Variants in C12orf50 observed in about 807,000 individuals in gnomAD.
The protein encoded by C12orf50 is zinc finger CCCH-type containing 11D.
A neutral mutation model predicts 61.6 loss-of-function variants in C12orf50; 35 were observed. That is an observed-to-expected ratio of 0.57 (90% confidence interval 0.43 to 0.75). C12orf50 has a LOEUF of 0.75. Ranked by LOEUF, C12orf50 falls within the 30% of genes least tolerant of loss-of-function variation. The pLI is 0.00. For synonymous variants in C12orf50, 178 were observed against 161.5 expected, an observed-to-expected ratio of 1.10 and a Z score of -0.77; for missense variants, 475 against 488.5, an observed-to-expected ratio of 0.97 and a Z score of 0.26.
At chr12:88,014,178 C>T (rs1052263980) in intron 3 of C12orf50, among the ~76,000 whole-genome samples, 1 of 152,060 alleles carries the variant, frequency 6.6e-6, no homozygotes, top group African/African-American at 2.4e-5. Flanking sequence ...GAATTAGCCC[C>T]TCAGAAGGCA....
chr12:88,025,741 AAAAC>A (rs545683990), intron 3 of C12orf50, among the ~76,000 whole-genome samples: 30 of 152,294 alleles, frequency 2.0e-4, no homozygotes, highest in African/African-American at 6.3e-4. Flanking sequence ...TCCGTCTCAA[AAAAC>A]AAACAAACAA....
In C12orf50 at chr12:87,980,049, C is replaced by CTTTTAAA; in HGVS notation, c.*275_*281dup. ...TTAAAGAATGATTTTAATTGTCAAACTTTTAAATTTTATTAAAATGTTTGG... is the reference window on the plus strand; with the variant it reads ...TTAAAGAATGATTTTAATTGTCAAACTTTTAAATTTTAAATTTTATTAAAATGTTTGG... On this transcript the variant is annotated 3_prime_UTR_variant, in exon 13 of 13. Transcript: ENST00000298699. 2.6e-6 allele frequency: 1 copy of CTTTTAAA among 383,744 alleles called. No individual in the cohort carries two copies. Among genetic ancestry groups the CTTTTAAA allele is most frequent in the East Asian group, 4.2e-5 (1 of 23,742 alleles). The allele number at this position is 383,744 out of a possible 1,614,324, so 23.8% of individuals were successfully genotyped here.
intron 8 of C12orf50, among the ~76,000 whole-genome samples, chr12:87,988,864 A>C (rs772979115): frequency 1.9e-4 from 29 of 152,154 alleles, no homozygotes; most frequent in Non-Finnish European, 3.7e-4. Context: ...ATATCTCTTG[A>C]TTATTCACAG....
intron 3 of C12orf50, 63 bp from the exon 4 acceptor site, chr12:87,998,253 A>T (rs2031503567): frequency 1.5e-6 from 2 of 1,317,486 alleles, no homozygotes; most frequent in Admixed American, 4.4e-5. Context: ...TAGATGTAAC[A>T]ATCAATCATT....
chr12:87,989,630 T>TCC (rs1259352442), intron 7 of C12orf50, among the ~76,000 whole-genome samples: 2 of 152,072 alleles, frequency 1.3e-5, no homozygotes, highest in African/African-American at 2.4e-5. Context: ...TTTTCCTTAA[T>TCC]GTATAATAAT....
At chr12:87,987,712 G>A (rs2136408359) in intron 9 of C12orf50, 138 bp downstream of exon 9, 1 of 621,490 alleles carries the variant, frequency 1.6e-6, no homozygotes, top group Admixed American at 3.2e-5. Context: ...AGAGGATATT[G>A]TGTCTTTAAT....
At chr12:87,982,619 TC>T (rs768470734) in intron 12 of C12orf50, among the ~76,000 whole-genome samples, 35 of 152,030 alleles carry the variant, frequency 2.3e-4, no homozygotes, top group Non-Finnish European at 4.7e-4. Context: ...AACCCCAGTC[TC>T]CCAGAGCGCA....
chr12:88,019,223 T>G (rs923603596), intron 3 of C12orf50, among the ~76,000 whole-genome samples: 1 of 152,156 alleles, frequency 6.6e-6, no homozygotes, highest in Non-Finnish European at 1.5e-5. Flanking sequence ...GTTCTCGTGA[T>G]AGTGAGTAAG....
chr12:87,982,128 A>G (rs2030511860), intron 12 of C12orf50, among the ~76,000 whole-genome samples: 1 of 152,092 alleles, frequency 6.6e-6, no homozygotes, highest in South Asian at 2.1e-4. Context: ...CACTTCACCC[A>G]TAGGAGGATC....
At chr12:88,007,394 G>A (rs899449636) in intron 3 of C12orf50, among the ~76,000 whole-genome samples, 1 of 152,176 alleles carries the variant, frequency 6.6e-6, no homozygotes, top group Non-Finnish European at 1.5e-5. Flanking sequence ...CATTTGTGCT[G>A]CTGTAACAAA....
chr12:88,027,153 G>A (rs942552446), intron 1 of C12orf50, 83 bp from the exon 2 acceptor site: 20 of 1,331,406 alleles, frequency 1.5e-5, no homozygotes, highest in East Asian at 5.1e-5. Context: ...TTAGTTAAAC[G>A]AAATATGAGT....
chr12:88,016,918 T>C (rs926589909), intron 3 of C12orf50, among the ~76,000 whole-genome samples: 22 of 152,338 alleles, frequency 1.4e-4, no homozygotes, highest in African/African-American at 5.3e-4. Flanking sequence ...TTGGGAAGGC[T>C]GACTACATTT....
chr12:87,997,102 G>T (rs1445668820), intron 4 of C12orf50, among the ~76,000 whole-genome samples: 2 of 152,040 alleles, frequency 1.3e-5, no homozygotes, highest in Non-Finnish European at 2.9e-5. Flanking sequence ...ACACTTTCTG[G>T]CACCACTGTG....
At chr12:88,008,370 C>T (rs1003426525) in intron 3 of C12orf50, among the ~76,000 whole-genome samples, 1 of 152,114 alleles carries the variant, frequency 6.6e-6, no homozygotes, top group African/African-American at 2.4e-5. Flanking sequence ...CCAACTCCAT[C>T]CGTGTCCCTG....
At chr12:87,985,807 C>G (rs758117626) in intron 11 of C12orf50, 43 bp downstream of exon 11, 1 of 1,596,822 alleles carries the variant, frequency 6.3e-7, no homozygotes. Flanking sequence ...CATGGGAATG[C>G]AAACCACAGA....
chr12:87,988,883 T>A (rs1012658554), intron 8 of C12orf50, among the ~76,000 whole-genome samples: 1 of 152,120 alleles, frequency 6.6e-6, no homozygotes, highest in Non-Finnish European at 1.5e-5. Context: ...AGACTAGTGT[T>A]AGCAACAATT....
At chr12:87,984,751 G>C (rs996393299) in intron 11 of C12orf50, 8 of 152,084 alleles carry the variant, frequency 5.3e-5, no homozygotes, top group African/African-American at 1.9e-4. Context: ...GTTGACATTT[G>C]CACTAATGGT....
At chr12:87,986,504 C>A (rs111915276) in intron 9 of C12orf50, 88 bp from the exon 10 acceptor site, 1 of 877,674 alleles carries the variant, frequency 1.1e-6, no homozygotes. Flanking sequence ...TCTGTGCATT[C>A]ACATGTCAAG....
At position 87,980,246 on chromosome 12, in the gene C12orf50, T is replaced by G; in HGVS notation, c.*85A>C. On this transcript the variant is annotated 3_prime_UTR_variant, in exon 13 of 13. Transcript: ENST00000298699. ...ACATAACATGGAGTACTTGAGTATC[T>G]CATTCTTTGAATTTTCATTTTTGAT... The G allele has an allele frequency of 1.2e-5, 16 of 1,351,394 alleles. No homozygotes were observed. Among genetic ancestry groups the G allele is most frequent in the Non-Finnish European group, 1.6e-5 (15 of 951,490 alleles). 83.7% of individuals were successfully genotyped at this position (1,351,394 alleles called of 1,614,324 possible). A position where few individuals can be genotyped will look rare whatever the true frequency, so the allele number is the denominator to read the frequency against.
Sources: allele counts gnomAD v4.1 joint callset (sites outside exome capture counted in the v4.1 genomes callset), GRCh38; gene constraint gnomAD v4.1.1; transcripts MANE v1.5; gene names NCBI Gene and HGNC (gene_info 2026-07-23, HGNC 2026-07-21).